CAMTA1: variants seen among roughly 807,000 people sequenced by gnomAD.
CAMTA1 encodes calmodulin binding transcription activator 1, also known as calmodulin-binding transcription activator 1.
Under a neutral mutation model 170.9 loss-of-function variants are expected in CAMTA1, and 27 were observed. That is an observed-to-expected ratio of 0.16 (90% CI 0.12 to 0.22). CAMTA1 has a LOEUF of 0.22. Among genes scored for constraint, CAMTA1 ranks in the 10% least tolerant of loss-of-function variants. The probability of loss-of-function intolerance (pLI) is 1.00; values close to 1 mark genes in which losing one functional copy is unlikely to be tolerated. For missense variants in CAMTA1, 1,619 were observed against 2,217.2 expected, an observed-to-expected ratio of 0.73 and a Z score of 5.42; for synonymous variants, 833 against 891.5, an observed-to-expected ratio of 0.93 and a Z score of 1.17.
chr1:7,366,732 G>A (rs535896753), intron 5 of CAMTA1, among the ~76,000 whole-genome samples: 1 of 152,338 alleles, frequency 6.6e-6, no homozygotes, highest in African/African-American at 2.4e-5. Flanking sequence ...AAGCTGCAGA[G>A]GGCACTGGCG....
intron 5 of CAMTA1, among the ~76,000 whole-genome samples, chr1:7,261,161 A>C (rs180758531): frequency 1.3e-5 from 2 of 152,346 alleles, no homozygotes; most frequent in Admixed American, 1.3e-4. Context: ...TGCTTCACTT[A>C]TGGAAACATA....
chr1:7,335,632 G>A (rs1462970147), intron 5 of CAMTA1, among the ~76,000 whole-genome samples: 1 of 152,194 alleles, frequency 6.6e-6, no homozygotes, highest in Non-Finnish European at 1.5e-5. Context: ...CACAGAGGAA[G>A]AGTGAGGCCA....
rs2094965426 is a variant in CAMTA1, at chr1:7,562,158, C to T, written c.511-78242C>T. ...TACCCGCACCAGGATTCACGGGTTG[C>T]AGCTGCCCAGTCCTGAGGCCCGGCA... On this transcript the variant is annotated intron_variant, in intron 6 of 22. Coordinates refer to ENST00000303635, the MANE Select transcript of CAMTA1 (RefSeq NM_015215.4). This position sits in a 1 kb window ranked among gnomAD's most constrained non-coding sequence, Gnocchi z 4.8. 6.6e-6 allele frequency among the ~76,000 whole-genome samples: 1 copy of T among 152,198 alleles called. No individual in the cohort carries two copies. The highest frequency in any genetic ancestry group is 1.5e-5 in the Non-Finnish European group (1 of 68,038).
chr1:7,219,542 TAAAAAAAAAAAAAAAAAAAA>T (rs34288461), intron 4 of CAMTA1: 1 of 65,278 alleles, frequency 1.5e-5, no homozygotes, highest in African/African-American at 6.0e-5. Context: ...AATTTTTTCT[TAAAAAAAAAAAAAAAAAAAA>T]AAAAAAAAAA....
At chr1:7,360,240 T>G (rs902213064) in intron 5 of CAMTA1, among the ~76,000 whole-genome samples, 9 of 152,178 alleles carry the variant, frequency 5.9e-5, no homozygotes, top group Non-Finnish European at 1.3e-4. Context: ...GGACTTAGCA[T>G]GTAAATGTTA....
chr1:7,280,807 G>A lies in CAMTA1; in HGVS notation c.438+31181G>A, dbSNP rs567623933. Among the ~76,000 whole-genome samples, 29 of 152,292 alleles carry A rather than the reference G, an allele frequency of 1.9e-4. No homozygotes were observed. In the East Asian group the frequency reaches 2.1e-3, roughly 11 times the overall value. Reference sequence around the variant, plus strand: ...TTCTCCATGGACTAATGACATTAGCGTCTGGAAGGATAGGAATTGTCATAG... The same window carrying A: ...TTCTCCATGGACTAATGACATTAGCATCTGGAAGGATAGGAATTGTCATAG... On this transcript the variant is annotated intron_variant, in intron 5 of 22. Transcript: ENST00000303635.
chr1:7,406,640 GCACA>G (rs958980140), intron 5 of CAMTA1, among the ~76,000 whole-genome samples: 6 of 151,444 alleles, frequency 4.0e-5, no homozygotes, highest in African/African-American at 1.5e-4. Flanking sequence ...ACACACACGA[GCACA>G]CACACGCACA....
rs570079149 is a variant in CAMTA1 at position 7,452,519 on chromosome 1, G to A, written c.439-15311G>A. On this transcript the variant is annotated intron_variant, in intron 5 of 22. Transcript: ENST00000303635. ...GGAAACTCCCAATGCATTAGCAGCCGTTCCCCCTTCTTCCCTCCCTCTGCC... is the reference window on the plus strand; with the variant it reads ...GGAAACTCCCAATGCATTAGCAGCCATTCCCCCTTCTTCCCTCCCTCTGCC... Among the ~76,000 whole-genome samples, 18 of 152,282 alleles carry A rather than the reference G, an allele frequency of 1.2e-4. No homozygotes were observed. The East Asian group carries it at 1.9e-3, about 16-fold the overall frequency.
Position 7,386,162 on chromosome 1 carries a change from C to T in CAMTA1, c.439-81668C>T, listed in dbSNP as rs372424888. ...AGGCCATCTGTTGTCAGAAAGGTTG[C>T]GTTTTGAGCCCGTCTTTTCATCTGG... On this transcript the variant is annotated intron_variant, in intron 5 of 22. Transcript: ENST00000303635. Among the ~76,000 whole-genome samples the T allele has an allele frequency of 2.0e-5, 3 of 152,210 alleles. No homozygotes were observed. The South Asian group carries it at 6.2e-4, about 32-fold the overall frequency.
chr1:7,103,495 A>T (rs1408540086), intron 4 of CAMTA1, among the ~76,000 whole-genome samples: 1 of 150,364 alleles, frequency 6.7e-6, no homozygotes, highest in Non-Finnish European at 1.5e-5. Flanking sequence ...ACGTACACAC[A>T]ACACAGATAC....
At chr1:7,751,121 T>C in intron 19 of CAMTA1, 78 bp from the exon 20 acceptor site, 1 of 1,164,698 alleles carries the variant, frequency 8.6e-7, no homozygotes, top group Non-Finnish European at 1.2e-6. Context: ...TCTTCTTCCC[T>C]TCCCGGTAAG....
chr1:6,904,733 ATTTTTTTTTTTT>A lies in CAMTA1; in HGVS notation c.234+79544_234+79555del, dbSNP rs70984036. ...AGGCATGCGCCACCATGCCCAGCTA[ATTTTTTTTTTTT>A]TTTTTTTTTTTTTTTTTTTTAATTT... On this transcript the variant is annotated intron_variant, in intron 3 of 22. Coordinates refer to ENST00000303635, the MANE Select transcript of CAMTA1 (RefSeq NM_015215.4). Among the ~76,000 whole-genome samples, 173 of 71,002 alleles carry A rather than the reference ATTTTTTTTTTTT, an allele frequency of 2.4e-3. 2 individuals are homozygous for A. The highest frequency in any genetic ancestry group is 5.5e-3 in the Admixed American group (21 of 3,818). 46.6% of individuals were successfully genotyped at this position (71,002 alleles called of 152,430 possible). A position where few individuals can be genotyped will look rare whatever the true frequency, so the allele number is the denominator to read the frequency against.
In CAMTA1 at chr1:7,662,599, G is replaced by A. The variant is rs189588985; in HGVS notation, c.805+733G>A. 4.2e-4 allele frequency among the ~76,000 whole-genome samples: 64 copies of A among 152,338 alleles called. 1 individual carries two copies. In the East Asian group the frequency reaches 4.6e-3, roughly 11 times the overall value. ...GAGAAAAGCCGTCCTGGCTGCCGGGGCTGGAGGAGCTGCCAGGGAGGCTTT... is the reference window on the plus strand; with the variant it reads ...GAGAAAAGCCGTCCTGGCTGCCGGGACTGGAGGAGCTGCCAGGGAGGCTTT... On this transcript the variant is annotated intron_variant, in intron 8 of 22. Coordinates refer to ENST00000303635, the MANE Select transcript of CAMTA1 (RefSeq NM_015215.4).
At chr1:7,656,508 T>C (rs4908469) in intron 7 of CAMTA1, among the ~76,000 whole-genome samples, 135,360 of 152,334 alleles carry the variant, frequency 0.89, 60,403 homozygotes, top group East Asian at 1. Flanking sequence ...ACAGTCACAT[T>C]GGTGGTTAGG....
chr1:6,807,768 A>AT (rs1388406369), intron 1 of CAMTA1, among the ~76,000 whole-genome samples: 1 of 151,868 alleles, frequency 6.6e-6, no homozygotes, highest in Non-Finnish European at 1.5e-5. Context: ...ATGGTTAGCT[A>AT]TTTAGAACTG....
intron 5 of CAMTA1, among the ~76,000 whole-genome samples, chr1:7,260,023 A>G (rs1482116232): frequency 6.6e-6 from 1 of 152,264 alleles, no homozygotes; most frequent in Non-Finnish European, 1.5e-5. Flanking sequence ...ACAAAGGGCC[A>G]GACAGTAAAT....
chr1:7,206,043 T>C (rs1657675244), intron 4 of CAMTA1, among the ~76,000 whole-genome samples: 1 of 152,196 alleles, frequency 6.6e-6, no homozygotes, highest in African/African-American at 2.4e-5. Context: ...TATCTGGACT[T>C]CTTCTACTCC....
At chr1:6,966,050 G>T (rs1301276843) in intron 3 of CAMTA1, among the ~76,000 whole-genome samples, 1 of 152,068 alleles carries the variant, frequency 6.6e-6, no homozygotes, top group African/African-American at 2.4e-5. Flanking sequence ...GAGAGGAGAA[G>T]GAGTTAGGCT....
chr1:7,099,417 A>T (rs1378052163), intron 4 of CAMTA1, among the ~76,000 whole-genome samples: 2 of 152,150 alleles, frequency 1.3e-5, no homozygotes, highest in Non-Finnish European at 2.9e-5. Flanking sequence ...GGCCCTAAAA[A>T]ACTTGTAAGA....
Sources: allele counts gnomAD v4.1 joint callset (sites outside exome capture counted in the v4.1 genomes callset), GRCh38; gene constraint gnomAD v4.1.1; non-coding constraint Gnocchi (gnomAD v3.1); transcripts MANE v1.5; gene names NCBI Gene and HGNC (gene_info 2026-07-23, HGNC 2026-07-21).